MIS18A: variants seen among roughly 807,000 people sequenced by gnomAD.
The protein encoded by MIS18A is protein Mis18-alpha.
A neutral mutation model predicts 25.0 loss-of-function variants in MIS18A; 14 were observed. The observed-to-expected ratio is 0.56, with a 90% CI of 0.37 to 0.88. The LOEUF (loss-of-function observed/expected upper bound fraction) is 0.88. MIS18A is among the 40% of genes least tolerant of loss of function. The pLI is 0.00. For synonymous variants in MIS18A, 134 were observed against 118.6 expected (o/e 1.13, Z -0.84); for missense variants, 292 against 290.8 (o/e 1.00, Z -0.03).
the MIS18A span, among the ~76,000 whole-genome samples, chr21:32,257,713 C>T: frequency 1.3e-5 from 2 of 152,170 alleles, no homozygotes; most frequent in African/African-American, 4.8e-5. Context: ...GGGAGATGGA[C>T]GCCAGGGATG....
chr21:32,192,613 C>A, the MIS18A span, among the ~76,000 whole-genome samples: 8 of 152,184 alleles, frequency 5.3e-5, no homozygotes, highest in Non-Finnish European at 1.2e-4. Context: ...AGCCTCTTGC[C>A]CTGACCCTGC....
chr21:32,245,826 C>A, the MIS18A span, among the ~76,000 whole-genome samples: 1 of 152,226 alleles, frequency 6.6e-6, no homozygotes, highest in Admixed American at 6.5e-5. Context: ...CCTCCCTCTG[C>A]CCCTGGACAC....
At chr21:32,159,811 A>AG in the MIS18A span, among the ~76,000 whole-genome samples, 1 of 152,246 alleles carries the variant, frequency 6.6e-6, no homozygotes, top group African/African-American at 2.4e-5. Context: ...GGTTATCTGA[A>AG]GACCTAGTCA....
At chr21:32,221,806 T>C in the MIS18A span, among the ~76,000 whole-genome samples, 1 of 151,118 alleles carries the variant, frequency 6.6e-6, no homozygotes, top group African/African-American at 2.4e-5. Flanking sequence ...GGCAGAGAAC[T>C]GCTTGAACCC....
Position 32,278,949 on chromosome 21 carries a change from C to T in MIS18A, c.66G>A (p.Lys22=). ...ACAGCGAGGAGTCGCTGCATTTGCC[C>T]TTGTCGCCGCACTCACAGCCGCCAG... ...GCAGGCECGD[K]GKCSDSSLLG... Residue 22 remains lysine, a synonymous_variant, in exon 1 of 5, where the codon AAG becomes AAA. Coordinates refer to ENST00000290130, the MANE Select transcript of MIS18A (RefSeq NM_018944.3). 1 of 1,613,118 alleles carries T rather than the reference C, an allele frequency of 6.2e-7. No homozygotes were observed. The highest frequency in any genetic ancestry group is 8.5e-7 in the Non-Finnish European group (1 of 1,180,000).
chr21:32,169,856 CA>C, the MIS18A span, among the ~76,000 whole-genome samples: 3 of 151,944 alleles, frequency 2.0e-5, no homozygotes, highest in East Asian at 5.8e-4. Context: ...GAAAAACAAA[CA>C]ACAACAACAA....
At chr21:32,238,996 A>G in the MIS18A span, among the ~76,000 whole-genome samples, 2 of 152,212 alleles carry the variant, frequency 1.3e-5, no homozygotes, top group Non-Finnish European at 2.9e-5. Context: ...TACGGATTCC[A>G]CCTAACATAA....
At chr21:32,211,232 G>A in the MIS18A span, among the ~76,000 whole-genome samples, 3 of 152,152 alleles carry the variant, frequency 2.0e-5, no homozygotes, top group African/African-American at 7.2e-5. Flanking sequence ...GTAGAGATGG[G>A]GTTTCAACAT....
downstream of MIS18A, among the ~76,000 whole-genome samples, chr21:32,265,438 C>T (rs1228740158): frequency 6.6e-6 from 1 of 152,220 alleles, no homozygotes. Context: ...GCCAGCCAGC[C>T]CTGCTGGCCC....
chr21:32,192,262 C>T, the MIS18A span, among the ~76,000 whole-genome samples: 4 of 152,182 alleles, frequency 2.6e-5, no homozygotes, highest in Admixed American at 6.5e-5. Context: ...TTTGCAAATG[C>T]CATCACAGGG....
At chr21:32,154,713 G>A in the MIS18A span, among the ~76,000 whole-genome samples, 1 of 152,114 alleles carries the variant, frequency 6.6e-6, no homozygotes, top group Non-Finnish European at 1.5e-5. Flanking sequence ...GTATTTGGAG[G>A]GAAAAGGTTT....
chr21:32,237,153 A>G, the MIS18A span, among the ~76,000 whole-genome samples: 1 of 150,144 alleles, frequency 6.7e-6, no homozygotes, highest in Non-Finnish European at 1.5e-5. Context: ...AGGCCAGGCC[A>G]TGATTCATGG....
the MIS18A span, among the ~76,000 whole-genome samples, chr21:32,245,517 G>T: frequency 6.6e-6 from 1 of 152,132 alleles, no homozygotes; most frequent in Non-Finnish European, 1.5e-5. Flanking sequence ...AGGAGGGAAG[G>T]CTCTAGCAAC....
At chr21:32,184,470 A>AT in the MIS18A span, among the ~76,000 whole-genome samples, 1 of 152,144 alleles carries the variant, frequency 6.6e-6, no homozygotes, top group East Asian at 1.9e-4. Context: ...GCCATTTGAA[A>AT]TTTTTTCACA....
the MIS18A span, among the ~76,000 whole-genome samples, chr21:32,228,798 C>CA: frequency 1.3e-5 from 2 of 151,606 alleles, no homozygotes; most frequent in African/African-American, 2.4e-5. Context: ...GTAAATTTAA[C>CA]AAAAAAAGTG....
chr21:32,273,075 G>A (rs2031742271), intron 2 of MIS18A, among the ~76,000 whole-genome samples: 1 of 148,668 alleles, frequency 6.7e-6, no homozygotes. Context: ...CAAACCATCT[G>A]TACTATTACT....
intron 1 of MIS18A, chr21:32,278,354 G>A (rs1458309225): frequency 2.8e-6 from 1 of 363,408 alleles, no homozygotes; most frequent in African/African-American, 2.1e-5. Context: ...TTACAGTCTA[G>A]TTGACCATTT....
the MIS18A span, among the ~76,000 whole-genome samples, chr21:32,226,776 C>T: frequency 6.6e-6 from 1 of 152,160 alleles, no homozygotes; most frequent in Admixed American, 6.5e-5. Flanking sequence ...CTACAGAACA[C>T]TTCAGAATAC....
At chr21:32,206,745 A>G in the MIS18A span, among the ~76,000 whole-genome samples, 2 of 152,132 alleles carry the variant, frequency 1.3e-5, no homozygotes, top group African/African-American at 2.4e-5. Flanking sequence ...ACTTTCCCTG[A>G]CTAATGAAAG....
Sources: allele counts gnomAD v4.1 joint callset (sites outside exome capture counted in the v4.1 genomes callset), GRCh38; gene constraint gnomAD v4.1.1; transcripts MANE v1.5; gene names NCBI Gene and HGNC (gene_info 2026-07-23, HGNC 2026-07-21).